WWC2: variants seen among roughly 807,000 people sequenced by gnomAD.
WWC2 encodes the protein protein WWC2.
In WWC2, 101 loss-of-function variants were observed where a neutral mutation model predicts 138.5. The ratio of observed to expected loss-of-function variants is 0.73; its 90% confidence interval spans 0.62 to 0.86. The LOEUF (loss-of-function observed/expected upper bound fraction) is 0.86, where lower values mean the gene tolerates loss of function less well. Ranked by LOEUF, WWC2 falls within the 40% of genes least tolerant of loss-of-function variation. The probability of loss-of-function intolerance (pLI) is 0.00; values close to 1 mark genes in which losing one functional copy is unlikely to be tolerated. For synonymous variants in WWC2, 558 were observed against 538.4 expected (o/e 1.04, Z -0.50); for missense variants, 1,420 against 1,419.4 (o/e 1.00, Z -0.01).
At chr4:183,173,591 T>C (rs530373832) in intron 1 of WWC2, among the ~76,000 whole-genome samples, 1 of 151,896 alleles carries the variant, frequency 6.6e-6, no homozygotes, top group South Asian at 2.1e-4. Flanking sequence ...CCTGCCTCCA[T>C]CTGACTTGTT....
At chr4:183,285,514 A>C (rs1440810843) in intron 19 of WWC2, among the ~76,000 whole-genome samples, 1 of 152,196 alleles carries the variant, frequency 6.6e-6, no homozygotes, top group Non-Finnish European at 1.5e-5. Context: ...TAATCCCAAC[A>C]CTTTGGGAGC....
intron 15 of WWC2, among the ~76,000 whole-genome samples, chr4:183,270,449 C>G (rs1171273238): frequency 6.6e-6 from 1 of 151,410 alleles, no homozygotes. Flanking sequence ...GTGAGTAAGT[C>G]ACCTTTACAG....
intron 1 of WWC2, among the ~76,000 whole-genome samples, chr4:183,152,890 A>G (rs1006202409): frequency 1.3e-5 from 2 of 152,084 alleles, no homozygotes; most frequent in Admixed American, 1.3e-4. Flanking sequence ...CTCAAAAAAA[A>G]ATAAAAAATA....
At chr4:183,252,429 T>C (rs1470850822) in intron 8 of WWC2, among the ~76,000 whole-genome samples, 2 of 152,228 alleles carry the variant, frequency 1.3e-5, no homozygotes, top group African/African-American at 4.8e-5. Context: ...TAGCAAGTTA[T>C]TTGACTCAGG....
chr4:183,204,713 A>G (rs1392134638), intron 2 of WWC2, among the ~76,000 whole-genome samples: 3 of 152,252 alleles, frequency 2.0e-5, no homozygotes, highest in African/African-American at 7.2e-5. Context: ...ACAATAATCA[A>G]GATAGGGAAC....
chr4:183,222,979 A>G lies in WWC2; in HGVS notation c.522+13954A>G, dbSNP rs150844544. Among the ~76,000 whole-genome samples the G allele has an allele frequency of 6.6e-5, 10 of 152,312 alleles. No individual in the cohort carries two copies. In the East Asian group the frequency reaches 1.9e-3, roughly 29 times the overall value. ...AGATGCTGTCTCAAAAAATAAAATA[A>G]TAAAAATATAGTTACGTGCCAAATA... On this transcript the variant is annotated intron_variant, in intron 4 of 22. Transcript: ENST00000403733.
chr4:183,247,648 CTATATACTA>C (rs1448536755), intron 6 of WWC2, among the ~76,000 whole-genome samples: 32 of 128,552 alleles, frequency 2.5e-4, no homozygotes, highest in African/African-American at 9.0e-4. Context: ...ACTATATATA[CTATATACTA>C]TATATACTAT....
At chr4:183,241,370 C>T (rs868325125) in intron 5 of WWC2, among the ~76,000 whole-genome samples, 47 of 152,344 alleles carry the variant, frequency 3.1e-4, no homozygotes, top group African/African-American at 1.0e-3. Flanking sequence ...GCCAGATAAA[C>T]AAACTGGTTG....
chr4:183,210,932 C>T (rs552601580), intron 4 of WWC2, among the ~76,000 whole-genome samples: 1 of 152,326 alleles, frequency 6.6e-6, no homozygotes, highest in South Asian at 2.1e-4. Flanking sequence ...GTACATATCT[C>T]AGTGGATACT....
chr4:183,280,688 G>C, intron 16 of WWC2, 88 bp from the exon 17 acceptor site: 9 of 1,387,320 alleles, frequency 6.5e-6, no homozygotes, highest in Non-Finnish European at 8.8e-6. Flanking sequence ...CGTCTTTACA[G>C]ATAGAAGTGT....
intron 4 of WWC2, among the ~76,000 whole-genome samples, chr4:183,218,954 A>G (rs546411862): frequency 6.6e-6 from 1 of 152,360 alleles, no homozygotes; most frequent in African/African-American, 2.4e-5. Flanking sequence ...TGTGTCCATC[A>G]CAGGTAAATG....
intron 4 of WWC2, among the ~76,000 whole-genome samples, chr4:183,209,275 G>A (rs1580059795): frequency 6.6e-6 from 1 of 152,112 alleles, no homozygotes; most frequent in Non-Finnish European, 1.5e-5. Flanking sequence ...TTGAGATGAA[G>A]TCTCACTCTG....
chr4:183,187,482 G>A (rs1734841425), intron 1 of WWC2, among the ~76,000 whole-genome samples: 1 of 151,524 alleles, frequency 6.6e-6, no homozygotes, highest in Non-Finnish European at 1.5e-5. Flanking sequence ...GAACCTGGGA[G>A]GCGGAGGTTG....
chr4:183,260,963 C>T lies in WWC2; in HGVS notation c.1340C>T (p.Ala447Val), dbSNP rs1207407130. Residue 447 changes from alanine (A) to valine (V), a missense_variant, in exon 11 of 23, where the codon GCA (alanine) becomes GTA (valine). Coordinates refer to ENST00000403733, the MANE Select transcript of WWC2 (RefSeq NM_024949.6). ...MSSGSSLGSL[A>V]SSRGSLNTSS... ...TCTGGGAGCAGCCTGGGTTCCCTGG[C>T]ATCGAGTCGGGGCTCTCTGAACACC... is the stretch of plus-strand genomic sequence containing the variant. The T allele has an allele frequency of 1.2e-6, 2 of 1,613,904 alleles. No homozygotes were observed. Among genetic ancestry groups the T allele is most frequent in the South Asian group, 1.1e-5 (1 of 91,042 alleles).
At chr4:183,194,140 G>A (rs1029763935) in intron 2 of WWC2, among the ~76,000 whole-genome samples, 7 of 152,172 alleles carry the variant, frequency 4.6e-5, no homozygotes, top group Non-Finnish European at 8.8e-5. Context: ...TGCATCAGTG[G>A]CTCTGGAAGA....
intron 21 of WWC2, among the ~76,000 whole-genome samples, chr4:183,291,730 G>A (rs139328451): frequency 2.1e-4 from 32 of 152,008 alleles, no homozygotes; most frequent in African/African-American, 7.0e-4. Flanking sequence ...ATATCATAAC[G>A]CAAAGTTTCA....
chr4:183,113,480 CTGTGTGTGTGTGTGTGTGTGTG>C (rs113602820), intron 1 of WWC2, among the ~76,000 whole-genome samples: 2 of 143,708 alleles, frequency 1.4e-5, no homozygotes, highest in African/African-American at 5.1e-5. Context: ...AAGGTGGGGC[CTGTGTGTGTGTGTGTGTGTGTG>C]TGTGTGTGTG....
At chr4:183,287,190 T>C (rs74601820) in intron 20 of WWC2, among the ~76,000 whole-genome samples, 1,823 of 152,280 alleles carry the variant, frequency 0.012, 32 homozygotes, top group African/African-American at 0.042. Context: ...GCGCCCCTGG[T>C]TTAACTTCCT....
Position 183,289,572 on chromosome 4 carries a change from C to A in WWC2, c.3321C>A (p.Asp1107Glu). The A allele has an allele frequency of 6.2e-7, 1 of 1,613,954 alleles. No individual in the cohort carries two copies. ...LEELKAQGET[D>E]LPPGVLEDER... is the part of the protein sequence containing the mutation. ...AACTGAAAGCTCAGGGAGAGACTGA[C>A]CTTCCACCAGGCGTGCTGGAGGATG... The change falls in exon 21 of 23, where the codon GAC (aspartate) becomes GAA (glutamate). Residue 1107 changes from aspartate to glutamate, a missense_variant. By Grantham distance (45) the Asp-to-Glu change is conservative. Transcript: ENST00000403733.
Sources: allele counts gnomAD v4.1 joint callset (sites outside exome capture counted in the v4.1 genomes callset), GRCh38; gene constraint gnomAD v4.1.1; transcripts MANE v1.5; gene names NCBI Gene and HGNC (gene_info 2026-07-23, HGNC 2026-07-21).